PARP4: variants seen among roughly 807,000 people sequenced by gnomAD.
PARP4 encodes the protein protein mono-ADP-ribosyltransferase PARP4.
PARP4 carries 120 observed loss-of-function variants against 187.7 expected under a neutral mutation model. That is an observed-to-expected ratio of 0.64 (90% CI 0.55 to 0.74). The LOEUF (loss-of-function observed/expected upper bound fraction) is 0.74, where lower values mean the gene tolerates loss of function less well. Among genes scored for constraint, PARP4 ranks in the 30% least tolerant of loss-of-function variants. The pLI is 0.00. For synonymous variants in PARP4, 654 were observed against 740.9 expected (o/e 0.88, Z 1.90); for missense variants, 1,836 against 2,070.5 (o/e 0.89, Z 2.20).
At chr13:24,500,245 A>T in intron 4 of PARP4, 71 bp downstream of exon 4, 1 of 755,532 alleles carries the variant, frequency 1.3e-6, no homozygotes, top group Non-Finnish European at 2.2e-6. Flanking sequence ...GAATTTTAAT[A>T]CTGTGCTTGA....
At chr13:24,486,922 A>C (rs113749195) in intron 10 of PARP4, among the ~76,000 whole-genome samples, 16,493 of 151,550 alleles carry the variant, frequency 0.11, 950 homozygotes, top group African/African-American at 0.12. Flanking sequence ...AGATCGCGCC[A>C]CTGCACTCCA....
At chr13:24,459,143 G>A (rs1421667724) in intron 19 of PARP4, 21 bp from the exon 20 acceptor site, 2 of 1,587,742 alleles carry the variant, frequency 1.3e-6, no homozygotes, top group Non-Finnish European at 1.7e-6. Context: ...TGAAGAGAAA[G>A]TTGTCTTAGT....
chr13:24,479,797 T>C (rs1442344517), intron 12 of PARP4, among the ~76,000 whole-genome samples: 1 of 152,348 alleles, frequency 6.6e-6, no homozygotes, highest in East Asian at 1.9e-4. Flanking sequence ...TCTTCCGCAC[T>C]GTGGAAGCTT....
At chr13:24,485,533 T>C (rs1873506787) in intron 11 of PARP4, among the ~76,000 whole-genome samples, 1 of 152,202 alleles carries the variant, frequency 6.6e-6, no homozygotes, top group African/African-American at 2.4e-5. Context: ...GGATCTTGTA[T>C]GTTTCTTTTT....
At chr13:24,485,968 C>T (rs1190174653) in intron 11 of PARP4, among the ~76,000 whole-genome samples, 200 bp downstream of exon 11, 1 of 152,110 alleles carries the variant, frequency 6.6e-6, no homozygotes, top group Non-Finnish European at 1.5e-5. Flanking sequence ...ACAGGTGTGA[C>T]CCACCATGCC....
chr13:24,461,783 A>T (rs2902359), intron 17 of PARP4, among the ~76,000 whole-genome samples: 79,771 of 151,938 alleles, frequency 0.53, 21,057 homozygotes, highest in South Asian at 0.64. Flanking sequence ...GAAGGGCAGC[A>T]AACTCTCACT....
At chr13:24,502,302 A>G (rs73154384) in intron 2 of PARP4, among the ~76,000 whole-genome samples, 16,738 of 152,214 alleles carry the variant, frequency 0.11, 993 homozygotes, top group African/African-American at 0.12. Flanking sequence ...ATCTCAGCTG[A>G]GTTTACAGGC....
At chr13:24,506,859 G>C (rs775933992) in intron 1 of PARP4, among the ~76,000 whole-genome samples, 2 of 152,214 alleles carry the variant, frequency 1.3e-5, no homozygotes, top group African/African-American at 2.4e-5. Flanking sequence ...ACCGGGCGCC[G>C]GCCGCGCTCC....
intron 12 of PARP4, among the ~76,000 whole-genome samples, chr13:24,482,789 C>A (rs1273618457): frequency 6.6e-6 from 1 of 152,088 alleles, no homozygotes; most frequent in Admixed American, 6.5e-5. Flanking sequence ...AGTGTGGAAC[C>A]AAACCCTCAA....
Position 24,478,236 on chromosome 13 carries a change from T to A in PARP4, c.1489A>T (p.Thr497Ser). The change falls in exon 13 of 34, where the codon ACC becomes TCC. Residue 497 changes from threonine (T) to serine (S), a missense_variant. Thr to Ser is a moderately conservative substitution (Grantham distance 58). This residue lies in a region of PARP4 where 1,147 missense variants were observed against 1,214.2 expected (regional missense o/e 0.94). Transcript: ENST00000381989. ...ACGTCACAAATGAGCAGGAGTCTGG[T>A]GCCATCTGTCTCTCCCGGGTGTGAG... ...KYSHPGETDG[T>S]RLLLICDVAL... 1.2e-6 allele frequency: 2 copies of A among 1,612,892 alleles called. No individual in the cohort carries two copies. Among genetic ancestry groups the A allele is most frequent in the South Asian group, 2.2e-5 (2 of 90,914 alleles).
chr13:24,468,057 A>G (rs1872561335), intron 17 of PARP4, among the ~76,000 whole-genome samples: 1 of 152,198 alleles, frequency 6.6e-6, no homozygotes, highest in Admixed American at 6.5e-5. Context: ...TTAAATTTTC[A>G]AAACACCATG....
At chr13:24,463,122 G>C (rs573618140) in intron 17 of PARP4, among the ~76,000 whole-genome samples, 2 of 152,222 alleles carry the variant, frequency 1.3e-5, no homozygotes, top group South Asian at 4.2e-4. Flanking sequence ...AGAGAATCTT[G>C]AAGATAGCTT....
intron 30 of PARP4, among the ~76,000 whole-genome samples, chr13:24,437,820 A>C (rs1870708430): frequency 6.8e-6 from 1 of 147,826 alleles, no homozygotes; most frequent in African/African-American, 2.6e-5. Context: ...ACTGCACCCC[A>C]GCCTGGGTGA....
At chr13:24,473,998 C>T (rs2137505369) in intron 15 of PARP4, among the ~76,000 whole-genome samples, 1 of 152,292 alleles carries the variant, frequency 6.6e-6, no homozygotes, top group East Asian at 1.9e-4. Flanking sequence ...TGCTGACTCC[C>T]CACTTATAAG....
chr13:24,472,027 T>C (rs1469883737), intron 15 of PARP4, among the ~76,000 whole-genome samples: 1 of 152,222 alleles, frequency 6.6e-6, no homozygotes, highest in East Asian at 1.9e-4. Context: ...TTGCTTTGTA[T>C]GATCTACCAT....
Position 24,503,736 on chromosome 13 carries a change from T to C in PARP4, c.41A>G (p.Lys14Arg). Residue 14 changes from lysine (K) to arginine (R), a missense_variant, in exon 2 of 34, where the codon AAA (lysine) becomes AGA (arginine). Coordinates refer to ENST00000381989, the MANE Select transcript of PARP4 (RefSeq NM_006437.4). The part of the protein sequence containing the change: ...GIFANCIFCL[K>R]VKYLPQQQKK... ...CTGCTGCTGAGGTAAGTACTTCACT[T>C]TCAAACAGAAGATACAATTTGCAAA... is the stretch of plus-strand genomic sequence containing the variant. 6.2e-7 allele frequency: 1 copy of C among 1,614,116 alleles called. No homozygotes were observed. The highest frequency in any genetic ancestry group is 8.5e-7 in the Non-Finnish European group (1 of 1,179,968).
chr13:24,470,066 T>A, intron 15 of PARP4, 41 bp from the exon 16 acceptor site: 1 of 1,558,872 alleles, frequency 6.4e-7, no homozygotes, highest in Non-Finnish European at 8.7e-7. Flanking sequence ...TGAGACCACA[T>A]GGACTACATT....
intron 15 of PARP4, among the ~76,000 whole-genome samples, chr13:24,471,408 C>T (rs1366603206): frequency 2.0e-5 from 3 of 152,118 alleles, no homozygotes; most frequent in African/African-American, 7.2e-5. Context: ...TGGGCACTCA[C>T]AAAGGTCAAT....
intron 7 of PARP4, among the ~76,000 whole-genome samples, chr13:24,494,180 C>A (rs984478578): frequency 2.0e-5 from 3 of 152,162 alleles, no homozygotes; most frequent in African/African-American, 4.8e-5. Flanking sequence ...TTCTGAACTC[C>A]TCCTCTTCCC....
Sources: gnomAD v4.1 joint callset for allele counts (sites outside exome capture counted in the v4.1 genomes callset) on GRCh38, gnomAD v4.1.1 for gene constraint, gnomAD v4.1.1 regional missense constraint, MANE v1.5 for transcripts, NCBI Gene and HGNC (gene_info 2026-07-23, HGNC 2026-07-21) for gene names.